Variants in NFAM1 observed in about 807,000 individuals in gnomAD.
NFAM1 encodes NFAT activating protein with ITAM motif 1, also known as NFAT activation molecule 1.
A neutral mutation model predicts 29.0 loss-of-function variants in NFAM1; 17 were observed. That is an observed-to-expected ratio of 0.59 (90% CI 0.40 to 0.88). The LOEUF is 0.88. Ranked by LOEUF, NFAM1 falls within the 40% of genes least tolerant of loss-of-function variation. NFAM1 has a pLI of 0.00. For missense variants in NFAM1, 324 were observed against 344.6 expected (o/e 0.94, Z 0.47); for synonymous variants, 175 against 147.2 (o/e 1.19, Z -1.36).
chr22:42,413,048 T>C (rs966270689), intron 1 of NFAM1, among the ~76,000 whole-genome samples: 6 of 152,338 alleles, frequency 3.9e-5, no homozygotes, highest in African/African-American at 1.4e-4. Flanking sequence ...AGCCGCCCCC[T>C]GCCCCAGACT....
At chr22:42,424,248 T>C (rs1457710285) in intron 1 of NFAM1, among the ~76,000 whole-genome samples, 1 of 151,918 alleles carries the variant, frequency 6.6e-6, no homozygotes, top group Admixed American at 6.6e-5. Flanking sequence ...ACCCCACCTT[T>C]ACTAAAAATA....
In NFAM1 at chr22:42,411,103, C is replaced by A. The variant is rs533350812; in HGVS notation, c.451+304G>T. ...GCAATGGTGCGATCTAGGCTCACTG[C>A]AACTTCCCATCCTGGGTTCAAGAAA... On this transcript the variant is annotated intron_variant, in intron 2 of 5. Transcript: ENST00000329021. Among the ~76,000 whole-genome samples the A allele has an allele frequency of 2.1e-4, 31 of 147,962 alleles. 1 individual carries two copies. In the South Asian group the frequency reaches 6.3e-3, roughly 30 times the overall value.
chr22:42,415,880 G>A (rs1930245519), intron 1 of NFAM1, among the ~76,000 whole-genome samples: 1 of 152,214 alleles, frequency 6.6e-6, no homozygotes, highest in African/African-American at 2.4e-5. Context: ...CACAGGCCCT[G>A]TCCCAGACCA....
intron 1 of NFAM1, among the ~76,000 whole-genome samples, chr22:42,431,435 G>A (rs190324299): frequency 2.6e-5 from 4 of 152,202 alleles, no homozygotes; most frequent in African/African-American, 7.2e-5. Flanking sequence ...TTGGCCAGAG[G>A]GAGGGTTGGC....
chr22:42,432,137 C>G, intron 1 of NFAM1, 100 bp downstream of exon 1: 8 of 1,090,650 alleles, frequency 7.3e-6, no homozygotes, highest in Non-Finnish European at 1.1e-5. Flanking sequence ...AGCAAATCCC[C>G]AGAGACAGGT....
intron 4 of NFAM1, among the ~76,000 whole-genome samples, chr22:42,393,772 C>G (rs1929428981): frequency 6.6e-6 from 1 of 151,474 alleles, no homozygotes; most frequent in Admixed American, 6.6e-5. Flanking sequence ...AATGAGAGTA[C>G]TCATTCAACA....
At chr22:42,435,770 C>T (rs140314139), upstream of NFAM1, among the ~76,000 whole-genome samples, 712 of 150,976 alleles carry the variant, frequency 4.7e-3, 3 homozygotes, top group African/African-American at 0.017. Flanking sequence ...GGGAGAAAAA[C>T]AGATCCCCTA....
Position 42,432,250 on chromosome 22 carries a change from G to C in NFAM1, c.108C>G (p.Thr36=), listed in dbSNP as rs765215683. ...GACAGACACTACCTGCCAGTCGCAGGGTCCCGGGCAGCAGCAGCACGCCAA... is the reference window on the plus strand; with the variant it reads ...GACAGACACTACCTGCCAGTCGCAGCGTCCCGGGCAGCAGCAGCACGCCAA... ...LLLGVLLLPG[T]LRLAGGQSVT... is the part of the protein sequence containing the mutation. Residue 36 remains threonine, a synonymous_variant, in exon 1 of 6, where the codon ACC becomes ACG. Coordinates refer to ENST00000329021, the MANE Select transcript of NFAM1 (RefSeq NM_145912.8). The C allele has an allele frequency of 1.4e-5, 22 of 1,573,002 alleles. No homozygotes were observed. The South Asian group carries it at 2.6e-4, about 18-fold the overall frequency.
chr22:42,430,767 C>A (rs1341698115), intron 1 of NFAM1, among the ~76,000 whole-genome samples: 1 of 151,874 alleles, frequency 6.6e-6, no homozygotes, highest in Admixed American at 6.6e-5. Context: ...CAGTAGCACC[C>A]CATAAAACCT....
rs1264195575 is a variant in NFAM1, at chr22:42,409,242, G to A, written c.564+193C>T. Among the ~76,000 whole-genome samples, 1 of 152,192 alleles carries A rather than the reference G, an allele frequency of 6.6e-6. No individual in the cohort carries two copies. The highest frequency in any genetic ancestry group is 1.5e-5 in the Non-Finnish European group (1 of 68,038). On this transcript the variant is annotated intron_variant, in intron 3 of 5. Transcript: ENST00000329021. The surrounding 1 kb of genome is among the most constrained non-coding windows in gnomAD (Gnocchi z 4.9). ...TGGTTTCTTGCAACAAGATCAAAAG[G>A]CACCCCATGGCAGCACAGGGAGTGG... is the stretch of plus-strand genomic sequence containing the variant.
chr22:42,397,797 C>T (rs574661386), intron 4 of NFAM1, 61 bp downstream of exon 4: 12 of 938,272 alleles, frequency 1.3e-5, no homozygotes, highest in Non-Finnish European at 1.6e-5. Context: ...GACCCTGGTA[C>T]AAGACAGACT....
intron 4 of NFAM1, among the ~76,000 whole-genome samples, chr22:42,392,948 C>T (rs1376194045): frequency 6.6e-6 from 1 of 152,038 alleles, no homozygotes; most frequent in African/African-American, 2.4e-5. Flanking sequence ...AACAGGTGTG[C>T]ACCACCATGC....
At position 42,419,599 on chromosome 22, in the gene NFAM1, G is replaced by A. The variant is rs1456274133; in HGVS notation, c.122-7863C>T. On this transcript the variant is annotated intron_variant, in intron 1 of 5. Transcript: ENST00000329021. This position sits in a 1 kb window ranked among gnomAD's most constrained non-coding sequence, Gnocchi z 4.5. ...GTTCTTGCCTCCCAGGACCTGCACA[G>A]CCCCGCTCAGCTGCTCTCTGGCCCT... Among the ~76,000 whole-genome samples the A allele has an allele frequency of 6.6e-6, 1 of 152,174 alleles. No homozygotes were observed. Among genetic ancestry groups the A allele is most frequent in the Non-Finnish European group, 1.5e-5 (1 of 67,996 alleles).
chr22:42,430,591 G>T (rs941406584), intron 1 of NFAM1, among the ~76,000 whole-genome samples: 1 of 151,910 alleles, frequency 6.6e-6, no homozygotes, highest in African/African-American at 2.4e-5. Flanking sequence ...CATGGGTGGG[G>T]GTTTGTCTGC....
chr22:42,409,422 A>G lies in NFAM1; in HGVS notation c.564+13T>C. 1 of 1,376,144 alleles carries G rather than the reference A, an allele frequency of 7.3e-7. No homozygotes were observed. Among genetic ancestry groups the G allele is most frequent in the Non-Finnish European group, 9.8e-7 (1 of 1,022,054 alleles). The allele number at this position is 1,376,144 out of a possible 1,614,324, so 85.2% of individuals were successfully genotyped here. On this transcript the variant is annotated intron_variant, in intron 3 of 5. Coordinates refer to ENST00000329021, the MANE Select transcript of NFAM1 (RefSeq NM_145912.8). This position sits in a 1 kb window ranked among gnomAD's most constrained non-coding sequence, Gnocchi z 4.9. Reference sequence around the variant, plus strand: ...GTGGAGGGGCTGCATGGCTGTGAGCACTGATCCCGTACCTTGTTCCAGAGC... The same window carrying G: ...GTGGAGGGGCTGCATGGCTGTGAGCGCTGATCCCGTACCTTGTTCCAGAGC...
At chr22:42,412,967 C>T (rs1424663146) in intron 1 of NFAM1, among the ~76,000 whole-genome samples, 1 of 152,208 alleles carries the variant, frequency 6.6e-6, no homozygotes, top group Non-Finnish European at 1.5e-5. Context: ...AAAGCAGCAG[C>T]CCTGCCTGGG....
At chr22:42,395,596 A>G (rs1482033168) in intron 4 of NFAM1, among the ~76,000 whole-genome samples, 1 of 151,842 alleles carries the variant, frequency 6.6e-6, no homozygotes, top group Non-Finnish European at 1.5e-5. Context: ...GAAAATCCAA[A>G]GGAAGGCCAG....
chr22:42,424,416 A>G (rs1409980188), intron 1 of NFAM1, among the ~76,000 whole-genome samples: 2 of 151,042 alleles, frequency 1.3e-5, no homozygotes, highest in Non-Finnish European at 2.9e-5. Context: ...CTCCGTCTCA[A>G]AAAAGAAACA....
chr22:42,419,989 GGTTTTTTTTT>G lies in NFAM1; in HGVS notation c.122-8263_122-8254del, dbSNP rs1311912424. ...CCTTTGAGTCTGTAATCCCACTCTT[GGTTTTTTTTT>G]TTTTTTTTTTTTTTTTTTTTTTTTT... On this transcript the variant is annotated intron_variant, in intron 1 of 5. Coordinates refer to ENST00000329021, the MANE Select transcript of NFAM1 (RefSeq NM_145912.8). The surrounding 1 kb of genome is among the most constrained non-coding windows in gnomAD (Gnocchi z 4.5). Among the ~76,000 whole-genome samples the G allele has an allele frequency of 9.7e-3, 547 of 56,504 alleles. 107 individuals carry two copies. The highest frequency in any genetic ancestry group is 0.036 in the African/African-American group (490 of 13,482). The allele number at this position is 56,504 out of a possible 152,430, so 37.1% of individuals were successfully genotyped here.
Sources: gnomAD v4.1 joint callset for allele counts (sites outside exome capture counted in the v4.1 genomes callset) on GRCh38, gnomAD v4.1.1 for gene constraint, Gnocchi (gnomAD v3.1) non-coding constraint, MANE v1.5 for transcripts, NCBI Gene and HGNC (gene_info 2026-07-23, HGNC 2026-07-21) for gene names.